B4GALNT3: variants seen among roughly 807,000 people sequenced by gnomAD.
The protein encoded by B4GALNT3 is beta-1,4-N-acetylgalactosaminyltransferase 3.
Under a neutral mutation model 120.2 loss-of-function variants are expected in B4GALNT3, and 86 were observed. The ratio of observed to expected loss-of-function variants is 0.72; its 90% CI spans 0.60 to 0.86. The LOEUF is 0.86. B4GALNT3 is among the 40% of genes least tolerant of loss of function. The probability of loss-of-function intolerance (pLI) is 0.00; values close to 1 mark genes in which losing one functional copy is unlikely to be tolerated. For missense variants in B4GALNT3, 1,167 were observed against 1,298.9 expected (o/e 0.90, Z 1.56); for synonymous variants, 518 against 510.4 (o/e 1.01, Z -0.20).
intron 1 of B4GALNT3, among the ~76,000 whole-genome samples, chr12:504,998 C>G (rs538271289): frequency 6.6e-6 from 1 of 152,152 alleles, no homozygotes; most frequent in South Asian, 2.1e-4. Flanking sequence ...TCAAGCGATC[C>G]TCCTGCCTCA....
At chr12:518,288 G>T (rs187996844) in intron 1 of B4GALNT3, among the ~76,000 whole-genome samples, 1 of 152,160 alleles carries the variant, frequency 6.6e-6, no homozygotes, top group African/African-American at 2.4e-5. Context: ...GCAGCTATGC[G>T]CAGTTGTCTC....
intron 1 of B4GALNT3, among the ~76,000 whole-genome samples, chr12:466,523 T>G (rs900564027): frequency 6.6e-6 from 1 of 152,226 alleles, no homozygotes; most frequent in Non-Finnish European, 1.5e-5. Context: ...GACCTTGTGA[T>G]TCACATAATT....
At chr12:537,200 A>G (rs1946869934) in intron 3 of B4GALNT3, among the ~76,000 whole-genome samples, 1 of 152,230 alleles carries the variant, frequency 6.6e-6, no homozygotes, top group African/African-American at 2.4e-5. Context: ...GAAAACTTAC[A>G]GGAAGCAGTT....
intron 1 of B4GALNT3, among the ~76,000 whole-genome samples, chr12:532,006 G>A (rs1946813092): frequency 6.7e-6 from 1 of 149,082 alleles, no homozygotes; most frequent in Admixed American, 6.7e-5. Context: ...TTGTTATGTT[G>A]CCCATATGTT....
At chr12:521,364 G>T (rs552390968) in intron 1 of B4GALNT3, among the ~76,000 whole-genome samples, 1 of 152,188 alleles carries the variant, frequency 6.6e-6, no homozygotes, top group Non-Finnish European at 1.5e-5. Flanking sequence ...ACACACTGAG[G>T]TGTCTGGAGC....
intron 1 of B4GALNT3, among the ~76,000 whole-genome samples, chr12:513,163 C>CCTTCCACCTTCCACCTT (rs1225541529): frequency 6.6e-6 from 1 of 151,560 alleles, no homozygotes; most frequent in Non-Finnish European, 1.5e-5. Context: ...CCACCTTCCA[C>CCTTCCACCTTCCACCTT]CTTCCACCTT....
At chr12:471,897 C>G (rs1592010085) in intron 1 of B4GALNT3, among the ~76,000 whole-genome samples, 1 of 152,114 alleles carries the variant, frequency 6.6e-6, no homozygotes, top group Non-Finnish European at 1.5e-5. Flanking sequence ...GATTCTCTTA[C>G]CTTGTGGAGG....
chr12:502,658 T>C (rs1267319081), intron 1 of B4GALNT3, among the ~76,000 whole-genome samples: 36 of 152,226 alleles, frequency 2.4e-4, no homozygotes, highest in Non-Finnish European at 1.9e-4. Context: ...TGAGTGGTGT[T>C]CTTAGCACAG....
chr12:510,384 A>T (rs76158258), intron 1 of B4GALNT3, among the ~76,000 whole-genome samples: 23,121 of 150,536 alleles, frequency 0.15, 2,106 homozygotes, highest in South Asian at 0.23. Flanking sequence ...GAGAAAGCAC[A>T]ATGGGAAGGG....
At chr12:525,201 T>C (rs1010375551) in intron 1 of B4GALNT3, among the ~76,000 whole-genome samples, 2 of 151,582 alleles carry the variant, frequency 1.3e-5, no homozygotes, top group African/African-American at 4.9e-5. Flanking sequence ...CTCCACCTCC[T>C]GGGTTCAAGC....
rs1300363125 is a variant in B4GALNT3 at position 544,377 on chromosome 12, G to T, written c.390G>T (p.Trp130Cys). The T allele has an allele frequency of 6.2e-7, 1 of 1,613,588 alleles. No individual in the cohort carries two copies. The highest frequency in any genetic ancestry group is 1.3e-5 in the African/African-American group (1 of 74,884). ...GRANLHVFED[W>C]CGSSIQQLRR... Reference sequence around the variant, plus strand: ...CCAACCTGCATGTGTTTGAAGACTGGTGTGGCAGCTCTATCCAGCAGCTCA... The same window carrying T: ...CCAACCTGCATGTGTTTGAAGACTGTTGTGGCAGCTCTATCCAGCAGCTCA... Residue 130 changes from tryptophan to cysteine, a missense_variant, in exon 4 of 20, where the codon TGG (tryptophan) becomes TGT (cysteine). Coordinates refer to ENST00000266383, the MANE Select transcript of B4GALNT3 (RefSeq NM_173593.4).
rs1437650251 is a variant in B4GALNT3, at chr12:554,768, C to T, written c.2060+785C>T. On this transcript the variant is annotated intron_variant, in intron 14 of 19. Transcript: ENST00000266383. ...TTGCGCCACTGCACTCCAGCCTGGG[C>T]GACAGAGCAAGACTCCGTCTCAAAA... is the stretch of plus-strand genomic sequence containing the variant. 2.0e-4 allele frequency among the ~76,000 whole-genome samples: 19 copies of T among 96,312 alleles called. 2 individuals carry two copies. Among genetic ancestry groups the T allele is most frequent in the African/African-American group, 5.7e-4 (13 of 22,806 alleles). 63.2% of individuals were successfully genotyped at this position (96,312 alleles called of 152,430 possible). A position where few individuals can be genotyped will look rare whatever the true frequency, so the allele number is the denominator to read the frequency against.
At chr12:529,498 T>G (rs75335665) in intron 1 of B4GALNT3, among the ~76,000 whole-genome samples, 1 of 152,184 alleles carries the variant, frequency 6.6e-6, no homozygotes, top group Non-Finnish European at 1.5e-5. Context: ...TCTAACTCAT[T>G]TGGGGCCGAC....
chr12:554,780 A>G (rs1947131733), intron 14 of B4GALNT3, among the ~76,000 whole-genome samples: 1 of 98,526 alleles, frequency 1.0e-5, no homozygotes, highest in Non-Finnish European at 1.8e-5. Context: ...ACAGAGCAAG[A>G]CTCCGTCTCA....
chr12:503,200 C>T (rs928167734), intron 1 of B4GALNT3, among the ~76,000 whole-genome samples: 2 of 152,134 alleles, frequency 1.3e-5, no homozygotes, highest in Non-Finnish European at 2.9e-5. Flanking sequence ...GGATTGTGAG[C>T]GTGTGCGCAG....
chr12:544,547 C>T, intron 4 of B4GALNT3, 113 bp downstream of exon 4: 1 of 981,784 alleles, frequency 1.0e-6, no homozygotes, highest in East Asian at 2.4e-5. Context: ...TCCTTTATCT[C>T]TTGAGCTCTC....
At chr12:519,248 C>A (rs1946684238) in intron 1 of B4GALNT3, among the ~76,000 whole-genome samples, 1 of 152,180 alleles carries the variant, frequency 6.6e-6, no homozygotes, top group Non-Finnish European at 1.5e-5. Context: ...TCCCCTAAGA[C>A]CTGGGAAGGC....
At chr12:545,702 T>TGGGGAGGAGC (rs1565608139) in intron 6 of B4GALNT3, among the ~76,000 whole-genome samples, 2 of 63,046 alleles carry the variant, frequency 3.2e-5, no homozygotes, top group Admixed American at 1.6e-4. Flanking sequence ...TGGGGAGGAG[T>TGGGGAGGAGC]GAGGAATGGG....
At chr12:497,507 A>G (rs1946400332) in intron 1 of B4GALNT3, among the ~76,000 whole-genome samples, 1 of 152,232 alleles carries the variant, frequency 6.6e-6, no homozygotes, top group East Asian at 1.9e-4. Context: ...TTGTTCACCC[A>G]TTCATCTGTC....
Sources: gnomAD v4.1 joint callset for allele counts (sites outside exome capture counted in the v4.1 genomes callset) on GRCh38, gnomAD v4.1.1 for gene constraint, MANE v1.5 for transcripts, NCBI Gene and HGNC (gene_info 2026-07-23, HGNC 2026-07-21) for gene names.